Variants in MBOAT2 observed in about 807,000 individuals in gnomAD.
The protein encoded by MBOAT2 is membrane bound glycerophospholipid O-acyltransferase 2, also known as membrane-bound glycerophospholipid O-acyltransferase 2.
In MBOAT2, 28 loss-of-function variants were observed where a neutral mutation model predicts 63.4. That is an observed-to-expected ratio of 0.44 (90% CI 0.33 to 0.61). The LOEUF (loss-of-function observed/expected upper bound fraction) is 0.61. MBOAT2 is among the 20% of genes least tolerant of loss of function. MBOAT2 has a pLI of 0.03. For synonymous variants in MBOAT2, 211 were observed against 215.6 expected (o/e 0.98, Z 0.19); for missense variants, 470 against 605.8 (o/e 0.78, Z 2.35).
chr2:8,917,200 G>A (rs1666245536), intron 3 of MBOAT2, among the ~76,000 whole-genome samples: 1 of 152,014 alleles, frequency 6.6e-6, no homozygotes. Flanking sequence ...CATAAACCAA[G>A]GGCAGGCACA....
chr2:8,937,430 T>C (rs1415241264), intron 3 of MBOAT2, among the ~76,000 whole-genome samples: 7 of 152,122 alleles, frequency 4.6e-5, no homozygotes, highest in Non-Finnish European at 1.0e-4. Flanking sequence ...CATCACAGAA[T>C]TTGCAGTCAA....
intron 4 of MBOAT2, among the ~76,000 whole-genome samples, chr2:8,902,200 G>A (rs556748444): frequency 3.3e-5 from 5 of 152,200 alleles, no homozygotes; most frequent in South Asian, 4.1e-4. Flanking sequence ...GTAGTCCAGC[G>A]GCCGTGCTAG....
At chr2:8,974,431 G>A (rs1460733022) in intron 1 of MBOAT2, 1 of 456,506 alleles carries the variant, frequency 2.2e-6, no homozygotes, top group Admixed American at 2.3e-5. Flanking sequence ...CATGTGGCGG[G>A]CAGCCTAGGA....
At chr2:8,956,484 T>G (rs1189916391) in intron 2 of MBOAT2, among the ~76,000 whole-genome samples, 1 of 152,154 alleles carries the variant, frequency 6.6e-6, no homozygotes, top group African/African-American at 2.4e-5. Flanking sequence ...GCAGACTGCT[T>G]GAGTCTGGGA....
chr2:8,928,621 A>C (rs1411724769), intron 3 of MBOAT2, among the ~76,000 whole-genome samples: 4 of 152,192 alleles, frequency 2.6e-5, no homozygotes, highest in Non-Finnish European at 5.9e-5. Context: ...AAATCTGTTA[A>C]TTCAAGAATA....
At chr2:8,879,675 G>A (rs942222491) in intron 6 of MBOAT2, among the ~76,000 whole-genome samples, 1 of 152,140 alleles carries the variant, frequency 6.6e-6, no homozygotes, top group African/African-American at 2.4e-5. Context: ...CCGGACGCCA[G>A]TAGCACCACC....
intron 3 of MBOAT2, among the ~76,000 whole-genome samples, chr2:8,926,356 A>G (rs1245924259): frequency 6.6e-6 from 1 of 152,234 alleles, no homozygotes; most frequent in Non-Finnish European, 1.5e-5. Flanking sequence ...TGTGAAGTAT[A>G]CAAGATGTAC....
chr2:8,945,561 AAAG>A (rs1473942052), intron 2 of MBOAT2, among the ~76,000 whole-genome samples: 1 of 152,192 alleles, frequency 6.6e-6, no homozygotes, highest in East Asian at 1.9e-4. Flanking sequence ...CTGAGGAAAC[AAAG>A]ATCATCTATC....
chr2:8,880,472 G>A (rs919367238), intron 6 of MBOAT2, among the ~76,000 whole-genome samples: 2 of 152,322 alleles, frequency 1.3e-5, no homozygotes, highest in East Asian at 1.9e-4. Context: ...TGTTCTGTTC[G>A]AGCTGCCTGT....
chr2:8,952,202 T>C (rs1430286341), intron 2 of MBOAT2, among the ~76,000 whole-genome samples: 2 of 152,246 alleles, frequency 1.3e-5, no homozygotes, highest in South Asian at 2.1e-4. Flanking sequence ...GAGCAAATTG[T>C]TTAATTTCCA....
At chr2:8,912,981 G>C (rs945699419) in intron 3 of MBOAT2, among the ~76,000 whole-genome samples, 5 of 152,036 alleles carry the variant, frequency 3.3e-5, no homozygotes, top group African/African-American at 1.2e-4. Context: ...CATGGTACTG[G>C]CATAAAAATA....
At chr2:8,887,336 CCT>C (rs79951126) in intron 5 of MBOAT2, among the ~76,000 whole-genome samples, 12,593 of 150,496 alleles carry the variant, frequency 0.084, 638 homozygotes, top group African/African-American at 0.15. Context: ...GAAAAATTCT[CCT>C]CTCTCTCTCT....
chr2:8,920,527 T>C (rs1434448071), intron 3 of MBOAT2, among the ~76,000 whole-genome samples: 1 of 151,834 alleles, frequency 6.6e-6, no homozygotes, highest in Non-Finnish European at 1.5e-5. Flanking sequence ...AGTATTTCCA[T>C]ATAACTTTTA....
chr2:8,891,018 A>G (rs1241217975), intron 4 of MBOAT2, among the ~76,000 whole-genome samples: 13 of 152,252 alleles, frequency 8.5e-5, no homozygotes, highest in Non-Finnish European at 1.5e-5. Flanking sequence ...AGTTAGGAAC[A>G]CAGCTTTAAT....
chr2:8,974,319 C>G (rs1161153596), intron 1 of MBOAT2: 2 of 454,394 alleles, frequency 4.4e-6, no homozygotes, highest in South Asian at 3.1e-5. Context: ...CTGGGAAAGT[C>G]TTCCTCACTC....
At chr2:8,908,371 C>A in intron 4 of MBOAT2, 1 of 348,370 alleles carries the variant, frequency 2.9e-6, no homozygotes, top group South Asian at 7.6e-5. Context: ...TCAGACTGAC[C>A]TAGCCCAAGG....
intron 5 of MBOAT2, among the ~76,000 whole-genome samples, chr2:8,887,587 G>C (rs1241862963): frequency 6.6e-6 from 1 of 152,132 alleles, no homozygotes; most frequent in Admixed American, 6.5e-5. Context: ...ACTCACTGAA[G>C]ACAGAAATAT....
Position 8,853,594 on chromosome 2 carries a change from T to C in MBOAT2, c.*5085A>G, listed in dbSNP as rs1334707744. On this transcript the variant is annotated 3_prime_UTR_variant, in exon 13 of 13. Coordinates refer to ENST00000305997, the MANE Select transcript of MBOAT2 (RefSeq NM_138799.4). ...AACTGCCTAGTCATTTTACTTATGTTGCTCTGTAACTTTTGGTTTTTCACT... is the reference window on the plus strand; with the variant it reads ...AACTGCCTAGTCATTTTACTTATGTCGCTCTGTAACTTTTGGTTTTTCACT... The C allele has an allele frequency of 6.6e-6, 1 of 152,256 alleles. No homozygotes were observed. Among genetic ancestry groups the C allele is most frequent in the East Asian group, 1.9e-4 (1 of 5,204 alleles). The allele number at this position is 152,256 out of a possible 1,614,324, so 9.4% of individuals were successfully genotyped here. A position where few individuals can be genotyped will look rare whatever the true frequency, so the allele number is the denominator to read the frequency against.
intron 1 of MBOAT2, among the ~76,000 whole-genome samples, chr2:8,998,484 T>C (rs757963822): frequency 2.0e-5 from 3 of 152,168 alleles, no homozygotes; most frequent in Non-Finnish European, 4.4e-5. Flanking sequence ...TGTTTCTTCA[T>C]CTATAAAATG....
Sources: gnomAD v4.1 joint callset for allele counts (sites outside exome capture counted in the v4.1 genomes callset) on GRCh38, gnomAD v4.1.1 for gene constraint, MANE v1.5 for transcripts, NCBI Gene and HGNC (gene_info 2026-07-23, HGNC 2026-07-21) for gene names.